SLC2A9: variants seen among roughly 807,000 people sequenced by gnomAD.
SLC2A9 encodes the protein solute carrier family 2, facilitated glucose transporter member 9.
Under a neutral mutation model 50.6 loss-of-function variants are expected in SLC2A9, and 39 were observed. The observed-to-expected ratio is 0.77, with a 90% confidence interval of 0.60 to 1.01. The LOEUF is 1.01. Ranked by LOEUF, SLC2A9 falls within the 50% of genes least tolerant of loss-of-function variation. The pLI is 0.00. For missense variants in SLC2A9, 686 were observed against 677.6 expected (o/e 1.01, Z -0.14); for synonymous variants, 324 against 276.9 (o/e 1.17, Z -1.69).
At chr4:9,801,962 T>C (rs992375513) in intron 3 of SLC2A9, among the ~76,000 whole-genome samples, 6 of 152,214 alleles carry the variant, frequency 3.9e-5, no homozygotes, top group Admixed American at 1.3e-4. Context: ...GAGCAAAAGA[T>C]GGACTCCCAG....
intron 5 of SLC2A9, among the ~76,000 whole-genome samples, chr4:9,950,614 G>C (rs1333289028): frequency 6.6e-6 from 1 of 151,308 alleles, no homozygotes; most frequent in Non-Finnish European, 1.5e-5. Context: ...AGGATGCAGA[G>C]AAAAAGGAAA....
downstream of SLC2A9, among the ~76,000 whole-genome samples, chr4:9,795,545 T>TTTTG (rs1301783917): frequency 2.6e-5 from 4 of 152,224 alleles, no homozygotes; most frequent in Non-Finnish European, 5.9e-5. Context: ...GGTGCCTTTA[T>TTTTG]TTTGCTTCCT....
intron 5 of SLC2A9, among the ~76,000 whole-genome samples, chr4:9,955,232 C>T (rs1751025676): frequency 2.3e-5 from 1 of 43,482 alleles, no homozygotes; most frequent in Admixed American, 2.5e-4. Context: ...GTGGCTCACG[C>T]TTGTAATCCC....
chr4:9,927,555 A>G (rs1020633841), intron 6 of SLC2A9, among the ~76,000 whole-genome samples: 3 of 152,218 alleles, frequency 2.0e-5, no homozygotes, highest in Non-Finnish European at 4.4e-5. Flanking sequence ...TCCCTTACAC[A>G]GGGCAGGCCT....
At chr4:10,026,132 A>G, upstream of SLC2A9, 1 of 655,212 alleles carries the variant, frequency 1.5e-6, no homozygotes. Flanking sequence ...ATGCCAGGAT[A>G]GGACACAGCA....
intron 5 of SLC2A9, among the ~76,000 whole-genome samples, chr4:9,944,041 C>G (rs1400371625): frequency 6.6e-6 from 1 of 152,232 alleles, no homozygotes; most frequent in Non-Finnish European, 1.5e-5. Flanking sequence ...ACAGTGGGAG[C>G]ACTTCCCAGG....
chr4:9,996,953 C>T lies in SLC2A9; in HGVS notation c.250-12G>A. On this transcript the variant is annotated splice_polypyrimidine_tract_variant and intron_variant, in intron 2 of 11. Coordinates refer to ENST00000264784, the MANE Select transcript of SLC2A9 (RefSeq NM_020041.3). Reference sequence around the variant, plus strand: ...AAGGCCTTGATGTACTGAAAATAAACAACAAACCATGTTATTTCCTTCTGT... The same window carrying T: ...AAGGCCTTGATGTACTGAAAATAAATAACAAACCATGTTATTTCCTTCTGT... 1 of 1,613,584 alleles carries T rather than the reference C, an allele frequency of 6.2e-7. No homozygotes were observed. The highest frequency in any genetic ancestry group is 8.5e-7 in the Non-Finnish European group (1 of 1,179,644).
chr4:9,921,945 A>ATG (rs1244449327), intron 6 of SLC2A9, among the ~76,000 whole-genome samples: 1 of 151,876 alleles, frequency 6.6e-6, no homozygotes, highest in Non-Finnish European at 1.5e-5. Flanking sequence ...TCTTTTCACC[A>ATG]TGGCTGCCAG....
At chr4:9,920,277 T>C in intron 7 of SLC2A9, 108 bp downstream of exon 7, 1 of 1,186,260 alleles carries the variant, frequency 8.4e-7, no homozygotes, top group Non-Finnish European at 1.2e-6. Flanking sequence ...TTTGTGGCAA[T>C]GACAGAACTG....
intron 8 of SLC2A9, among the ~76,000 whole-genome samples, chr4:9,905,646 G>A (rs1388690690): frequency 6.6e-6 from 1 of 152,224 alleles, no homozygotes; most frequent in Non-Finnish European, 1.5e-5. Context: ...CCAGAGCATC[G>A]GGATGAGAAG....
At chr4:9,893,049 T>G (rs1737821737) in intron 8 of SLC2A9, among the ~76,000 whole-genome samples, 2 of 152,216 alleles carry the variant, frequency 1.3e-5, no homozygotes, top group Non-Finnish European at 2.9e-5. Flanking sequence ...GTCACATGGC[T>G]GGTAAGTGGC....
intron 2 of SLC2A9, among the ~76,000 whole-genome samples, chr4:10,001,979 T>C (rs892643479): frequency 6.6e-6 from 1 of 152,200 alleles, no homozygotes; most frequent in African/African-American, 2.4e-5. Context: ...GCCAATCAGA[T>C]GCTGGAACTT....
intron 11 of SLC2A9, among the ~76,000 whole-genome samples, chr4:9,828,977 C>T (rs1202413068): frequency 6.6e-6 from 1 of 152,158 alleles, no homozygotes; most frequent in African/African-American, 2.4e-5. Flanking sequence ...CCTGCCGTAT[C>T]CCAGGCCACA....
rs924046861 is a variant in SLC2A9 at position 9,815,672 on chromosome 4, G to T, written n.420+10748C>A. On this transcript the variant is annotated intron_variant and non_coding_transcript_variant, in intron 3 of 3. Transcript: ENST00000503280. ...ATTTTCTGGTTCCTATGATGGACTA[G>T]AAAGAAAGTAAAAGGTGTTACATGT... Among the ~76,000 whole-genome samples the T allele has an allele frequency of 2.6e-5, 4 of 152,302 alleles. No individual in the cohort carries two copies. In the East Asian group the frequency reaches 7.7e-4, roughly 29 times the overall value.
At chr4:9,891,261 C>T (rs1737365411) in intron 8 of SLC2A9, among the ~76,000 whole-genome samples, 1 of 152,184 alleles carries the variant, frequency 6.6e-6, no homozygotes, top group Non-Finnish European at 1.5e-5. Context: ...GCCAGCTTCC[C>T]TCGGCCTAGG....
intron 6 of SLC2A9, among the ~76,000 whole-genome samples, chr4:9,934,083 CT>C (rs1746637139): frequency 6.6e-6 from 1 of 152,156 alleles, no homozygotes; most frequent in Admixed American, 6.5e-5. Context: ...ATCATGTAAC[CT>C]AACATATTCA....
At chr4:9,989,718 T>C (rs1250309119) in intron 3 of SLC2A9, among the ~76,000 whole-genome samples, 1 of 152,082 alleles carries the variant, frequency 6.6e-6, no homozygotes, top group African/African-American at 2.4e-5. Flanking sequence ...CCCATTTTGC[T>C]CAGAGGAAGA....
intron 3 of SLC2A9, among the ~76,000 whole-genome samples, chr4:9,810,642 T>C (rs1452966626): frequency 6.6e-6 from 1 of 152,272 alleles, no homozygotes; most frequent in Non-Finnish European, 1.5e-5. Flanking sequence ...CAAATTGGCC[T>C]AACCAGTTTG....
intron 7 of SLC2A9, among the ~76,000 whole-genome samples, chr4:9,918,293 G>A (rs975818036): frequency 6.6e-6 from 1 of 152,230 alleles, no homozygotes; most frequent in Admixed American, 6.5e-5. Context: ...ACACCTGCTA[G>A]TGCTGGTAGC....
Sources: gnomAD v4.1 joint callset for allele counts (sites outside exome capture counted in the v4.1 genomes callset) on GRCh38, gnomAD v4.1.1 for gene constraint, MANE v1.5 for transcripts, NCBI Gene and HGNC (gene_info 2026-07-23, HGNC 2026-07-21) for gene names.